Variants in SEMA3E observed in about 807,000 individuals in gnomAD.
SEMA3E encodes the protein semaphorin-3E.
In SEMA3E, 49 loss-of-function variants were observed where a neutral mutation model predicts 93.6. That is an observed-to-expected ratio of 0.52 (90% CI 0.42 to 0.66). SEMA3E has a LOEUF of 0.66. SEMA3E is among the 30% of genes least tolerant of loss of function. SEMA3E has a pLI of 0.00. For missense variants in SEMA3E, 906 were observed against 964.8 expected, an observed-to-expected ratio of 0.94 and a Z score of 0.81; for synonymous variants, 363 against 330.7, an observed-to-expected ratio of 1.10 and a Z score of -1.06.
intron 1 of SEMA3E, among the ~76,000 whole-genome samples, chr7:83,615,316 G>C (rs531441786): frequency 2.9e-4 from 44 of 152,168 alleles, no homozygotes; most frequent in Non-Finnish European, 5.6e-4. Context: ...TTACACTACA[G>C]GTGACGTTCA....
At chr7:83,506,149 A>AT (rs1175496654) in intron 1 of SEMA3E, among the ~76,000 whole-genome samples, 3 of 151,674 alleles carry the variant, frequency 2.0e-5, no homozygotes, top group Non-Finnish European at 2.9e-5. Context: ...TTTTCCTGTA[A>AT]TTTTTGATAG....
chr7:83,375,215 C>T (rs1794804033), intron 16 of SEMA3E, among the ~76,000 whole-genome samples: 1 of 151,984 alleles, frequency 6.6e-6, no homozygotes, highest in South Asian at 2.1e-4. Flanking sequence ...ACTAAATTTC[C>T]TAGTAACCAA....
chr7:83,377,466 C>T (rs930086897), intron 16 of SEMA3E, among the ~76,000 whole-genome samples: 1 of 151,922 alleles, frequency 6.6e-6, no homozygotes. Context: ...CTAAAAACAG[C>T]CACAGACTTT....
chr7:83,373,852 G>A (rs1223854546), intron 16 of SEMA3E, among the ~76,000 whole-genome samples: 1 of 152,080 alleles, frequency 6.6e-6, no homozygotes, highest in Admixed American at 6.6e-5. Flanking sequence ...TTCAGAGAAG[G>A]AGAAACCCAA....
chr7:83,593,567 G>A (rs564287586), intron 1 of SEMA3E, among the ~76,000 whole-genome samples: 1 of 151,992 alleles, frequency 6.6e-6, no homozygotes, highest in Non-Finnish European at 1.5e-5. Flanking sequence ...AAGAATAAGA[G>A]ATTCTTTCTA....
rs371474751 is a variant in SEMA3E, at chr7:83,611,931, C to T, written c.115+36497G>A. Among the ~76,000 whole-genome samples the T allele has an allele frequency of 8.5e-5, 13 of 152,226 alleles. 1 individual carries two copies. The highest frequency in any genetic ancestry group is 6.6e-5 in the Admixed American group (1 of 15,260). On this transcript the variant is annotated intron_variant, in intron 1 of 16. Transcript: ENST00000643230. ...CCTTTAGCATGGCAGCAGAGGCCCA[C>T]ATGATCAGCTCCCCAATTGCCTTGC...
At chr7:83,513,622 C>T (rs1164931041) in intron 1 of SEMA3E, among the ~76,000 whole-genome samples, 4 of 152,134 alleles carry the variant, frequency 2.6e-5, no homozygotes, top group African/African-American at 9.7e-5. Flanking sequence ...ATCACTGGGT[C>T]TTCTTGAAGA....
In SEMA3E at chr7:83,367,209, C is replaced by A; in HGVS notation, c.*377G>T. ...AAAGAAAAATTCAGAAATATTAAAA[C>A]ATATTTAGTTTTATATTTACCATGA... is the stretch of plus-strand genomic sequence containing the variant. On this transcript the variant is annotated 3_prime_UTR_variant, in exon 17 of 17. Coordinates refer to ENST00000643230, the MANE Select transcript of SEMA3E (RefSeq NM_012431.3). 4.7e-6 allele frequency: 1 copy of A among 214,840 alleles called. No homozygotes were observed. Among genetic ancestry groups the A allele is most frequent in the Non-Finnish European group, 9.4e-6 (1 of 106,384 alleles). The allele number at this position is 214,840 out of a possible 1,614,324, so 13.3% of individuals were successfully genotyped here.
chr7:83,433,144 A>G (rs1788925880), intron 4 of SEMA3E, among the ~76,000 whole-genome samples: 1 of 152,168 alleles, frequency 6.6e-6, no homozygotes, highest in Middle Eastern at 3.2e-3. Flanking sequence ...CACTAGTACC[A>G]AACTCACACA....
At chr7:83,443,570 A>G (rs556841113) in intron 4 of SEMA3E, among the ~76,000 whole-genome samples, 34 of 152,218 alleles carry the variant, frequency 2.2e-4, no homozygotes, top group Non-Finnish European at 4.1e-4. Context: ...TAAAGACATT[A>G]TATAAGAAAT....
In SEMA3E at chr7:83,572,945, C is replaced by T. The variant is rs568935391; in HGVS notation, c.115+75483G>A. Among the ~76,000 whole-genome samples, 14 of 152,108 alleles carry T rather than the reference C, an allele frequency of 9.2e-5. No individual in the cohort carries two copies. In the East Asian group the frequency reaches 1.2e-3, roughly 13 times the overall value. ...TAGAAAAAACAAAAAAAACAAAACACGGAAATACCCTTCTTGATATCAGGT... is the reference window on the plus strand; with the variant it reads ...TAGAAAAAACAAAAAAAACAAAACATGGAAATACCCTTCTTGATATCAGGT... On this transcript the variant is annotated intron_variant, in intron 1 of 16. Transcript: ENST00000643230.
At chr7:83,611,298 AT>A (rs1793251921) in intron 1 of SEMA3E, among the ~76,000 whole-genome samples, 1 of 144,070 alleles carries the variant, frequency 6.9e-6, no homozygotes, top group Non-Finnish European at 1.5e-5. Flanking sequence ...AAATTTATAT[AT>A]TATATATATA....
At chr7:83,639,697 G>A (rs1008179318) in intron 1 of SEMA3E, among the ~76,000 whole-genome samples, 2 of 149,576 alleles carry the variant, frequency 1.3e-5, no homozygotes, top group Admixed American at 6.7e-5. Flanking sequence ...GAGATAGGAA[G>A]TGTTCATTAG....
At chr7:83,632,587 T>G (rs1242174749) in intron 1 of SEMA3E, among the ~76,000 whole-genome samples, 1 of 152,200 alleles carries the variant, frequency 6.6e-6, no homozygotes, top group Non-Finnish European at 1.5e-5. Flanking sequence ...TCCGCCATGA[T>G]AGTGAGGCTT....
At chr7:83,465,436 G>A (rs1789733337) in intron 4 of SEMA3E, among the ~76,000 whole-genome samples, 1 of 145,388 alleles carries the variant, frequency 6.9e-6, no homozygotes, top group South Asian at 2.1e-4. Context: ...AGTAGTTAAA[G>A]CACGGGCTCT....
At chr7:83,522,969 G>T (rs897411323) in intron 1 of SEMA3E, among the ~76,000 whole-genome samples, 2 of 152,114 alleles carry the variant, frequency 1.3e-5, no homozygotes, top group Non-Finnish European at 2.9e-5. Context: ...CGTTAGGAAG[G>T]TGAGGAAGTA....
In SEMA3E at chr7:83,627,712, T is replaced by C. The variant is rs76819012; in HGVS notation, c.115+20716A>G. ...CTTTATTTTGAGCCTATGTATGTCT[T>C]TGTATGTGAGATAGGTCTCCTGAAT... On this transcript the variant is annotated intron_variant, in intron 1 of 16. Transcript: ENST00000643230. Among the ~76,000 whole-genome samples, 855 of 151,094 alleles carry C rather than the reference T, an allele frequency of 5.7e-3. 6 individuals carry two copies. Among genetic ancestry groups the C allele is most frequent in the African/African-American group, 0.018 (755 of 41,072 alleles).
At chr7:83,375,005 T>G (rs1276448604) in intron 16 of SEMA3E, among the ~76,000 whole-genome samples, 1 of 152,176 alleles carries the variant, frequency 6.6e-6, no homozygotes, top group African/African-American at 2.4e-5. Flanking sequence ...TTGTAATGAT[T>G]AATGCGGTTT....
In SEMA3E at chr7:83,400,311, T is replaced by C. The variant is rs1225232544; in HGVS notation, c.1144-61A>G. On this transcript the variant is annotated intron_variant, in intron 10 of 16. Transcript: ENST00000643230. ...TTACACCCAAAGAGAAAATTTATAA[T>C]CAATTATGAGAAGAATCAGAAAAAT... 2.7e-6 allele frequency: 4 copies of C among 1,492,792 alleles called. No individual in the cohort carries two copies. The African/African-American group carries it at 5.5e-5, about 21-fold the overall frequency. The allele number at this position is 1,492,792 out of a possible 1,614,324, so 92.5% of individuals were successfully genotyped here. A position where few individuals can be genotyped will look rare whatever the true frequency, so the allele number is the denominator to read the frequency against.
Sources: allele counts gnomAD v4.1 joint callset (sites outside exome capture counted in the v4.1 genomes callset), GRCh38; gene constraint gnomAD v4.1.1; transcripts MANE v1.5; gene names NCBI Gene and HGNC (gene_info 2026-07-23, HGNC 2026-07-21).